The following SSUH2 variants were observed in gnomAD, a reference collection of about 807,000 sequenced individuals.
SSUH2 encodes the protein protein SSUH2 homolog.
Under a neutral mutation model 55.3 loss-of-function variants are expected in SSUH2, and 47 were observed. That is an observed-to-expected ratio of 0.85 (90% CI 0.67 to 1.08). The LOEUF is 1.08. Ranked by LOEUF, SSUH2 falls within the 50% of genes least tolerant of loss-of-function variation. The pLI, the probability that SSUH2 is intolerant of heterozygous loss-of-function variation, is 0.00. For synonymous variants in SSUH2, 212 were observed against 191.5 expected (o/e 1.11, Z -0.89); for missense variants, 535 against 490.7 (o/e 1.09, Z -0.85).
chr3:8,644,937 G>A (rs893847271), upstream of SSUH2: 22 of 644,548 alleles, frequency 3.4e-5, no homozygotes, highest in Admixed American at 1.6e-4. Flanking sequence ...CCAATCCACC[G>A]GGTTCTGGGA....
chr3:8,679,022 C>A (rs536700234), intron 2 of SSUH2, among the ~76,000 whole-genome samples: 1 of 112,658 alleles, frequency 8.9e-6, no homozygotes, highest in Non-Finnish European at 2.1e-5. Flanking sequence ...CCCCTCTTCC[C>A]CCCCTGGCTC....
chr3:8,663,986 T>C, intron 5 of SSUH2: 1 of 363,758 alleles, frequency 2.7e-6, no homozygotes, highest in Non-Finnish European at 5.5e-6. Context: ...ACAATATAGC[T>C]TCTAAGGGAA....
chr3:8,627,633 T>A, intron 8 of SSUH2, 65 bp downstream of exon 8: 1 of 1,351,402 alleles, frequency 7.4e-7, no homozygotes, highest in Non-Finnish European at 1.0e-6. Context: ...GCCTTCCAGA[T>A]GGGCAGGCAA....
chr3:8,675,760 G>C (rs367660226), intron 3 of SSUH2, among the ~76,000 whole-genome samples: 9 of 152,126 alleles, frequency 5.9e-5, no homozygotes, highest in African/African-American at 2.2e-4. Flanking sequence ...GGGAACCTTT[G>C]GAATGGGGAT....
chr3:8,669,882 TG>T (rs2125402489), intron 5 of SSUH2, among the ~76,000 whole-genome samples: 1 of 152,198 alleles, frequency 6.6e-6, no homozygotes, highest in East Asian at 1.9e-4. Context: ...ACGGGGGACA[TG>T]GGACTCAATG....
Position 8,632,068 on chromosome 3 carries a change from C to T in SSUH2, c.381G>A (p.Trp127Ter), listed in dbSNP as rs1698901960. Residue 127 changes from tryptophan (W) to a stop codon, truncating the protein, a stop_gained, in exon 5 of 12, where the codon TGG becomes TGA. Transcript: ENST00000544814. LOFTEE classifies it high-confidence loss of function. ...ETFSESRISEWTFQPFTNHSV... is the reference protein window; with the variant it reads ...ETFSESRISE ...ACTTACTAGTAAAGGGTTGAAATGT[C>T]CACTCGCTTATCCTGGATTCACTAA... 6.2e-7 allele frequency: 1 copy of T among 1,614,004 alleles called. No homozygotes were observed. The highest frequency in any genetic ancestry group is 8.5e-7 in the Non-Finnish European group (1 of 1,179,934).
intron 2 of SSUH2, among the ~76,000 whole-genome samples, chr3:8,679,386 A>T (rs1347839422): frequency 3.0e-5 from 3 of 99,794 alleles, no homozygotes; most frequent in Non-Finnish European, 6.7e-5. Context: ...ATCCCCCAGG[A>T]GGAGGGGACT....
At chr3:8,676,292 C>A (rs965905791) in intron 3 of SSUH2, among the ~76,000 whole-genome samples, 21 of 152,166 alleles carry the variant, frequency 1.4e-4, no homozygotes, top group South Asian at 1.0e-3. Flanking sequence ...AGAACAGTAT[C>A]ACAAGGGTGT....
At chr3:8,626,164 G>T in intron 9 of SSUH2, 65 bp downstream of exon 9, 2 of 1,328,104 alleles carry the variant, frequency 1.5e-6, no homozygotes, top group Non-Finnish European at 2.2e-6. Flanking sequence ...CTCTGCAGAA[G>T]CCAGTCCAGG....
chr3:8,681,451 CA>C (rs1249384660), intron 1 of SSUH2, among the ~76,000 whole-genome samples: 4 of 150,214 alleles, frequency 2.7e-5, no homozygotes, highest in South Asian at 2.1e-4. Flanking sequence ...CCTCTTCCCC[CA>C]CTGGCTCTTA....
chr3:8,658,207 G>A (rs745540723), intron 7 of SSUH2, among the ~76,000 whole-genome samples: 30 of 152,234 alleles, frequency 2.0e-4, no homozygotes, highest in Admixed American at 3.9e-4. Flanking sequence ...AGCAGTTAGC[G>A]GAGTGCCTGT....
At chr3:8,681,213 C>G (rs1026095918) in intron 1 of SSUH2, among the ~76,000 whole-genome samples, 1 of 148,514 alleles carries the variant, frequency 6.7e-6, no homozygotes, top group Admixed American at 6.7e-5. Context: ...GCCCCTCTTC[C>G]CCCCCTGGCT....
At chr3:8,657,101 G>A (rs1218037339) in intron 7 of SSUH2, among the ~76,000 whole-genome samples, 1 of 152,120 alleles carries the variant, frequency 6.6e-6, no homozygotes, top group Non-Finnish European at 1.5e-5. Flanking sequence ...AGCTGGTCTG[G>A]AACTCTTGAC....
intron 1 of SSUH2, among the ~76,000 whole-genome samples, chr3:8,681,325 G>A (rs981124895): frequency 4.0e-5 from 6 of 148,454 alleles, no homozygotes; most frequent in African/African-American, 1.5e-4. Flanking sequence ...CGCGGGGGTG[G>A]AGGCACCCCC....
rs769994180 is a variant in SSUH2 at position 8,623,665 on chromosome 3, AAGAG to A, written c.874-13_874-10del. 4 of 1,454,992 alleles carry A rather than the reference AAGAG, an allele frequency of 2.7e-6. No individual in the cohort carries two copies. The highest frequency in any genetic ancestry group is 3.7e-6 in the Non-Finnish European group (4 of 1,069,188). 90.1% of individuals were successfully genotyped at this position (1,454,992 alleles called of 1,614,324 possible). On this transcript the variant is annotated splice_polypyrimidine_tract_variant and intron_variant, in intron 10 of 11. Coordinates refer to ENST00000544814, the MANE Select transcript of SSUH2 (RefSeq NM_001256748.3). ...TCCACGATGGGGTACACCTGGGGGA[AAGAG>A]AGAGAGACACAGACCACCTGGCTGC... is the stretch of plus-strand genomic sequence containing the variant.
intron 3 of SSUH2, among the ~76,000 whole-genome samples, chr3:8,676,860 C>A (rs555706563): frequency 1.0e-4 from 15 of 148,236 alleles, no homozygotes; most frequent in African/African-American, 3.0e-4. Context: ...GGACCCCCAT[C>A]GCAGGGGAGG....
In SSUH2 at chr3:8,633,759, G is replaced by A. The variant is rs923222814; in HGVS notation, c.246C>T (p.Ala82=). Residue 82 remains alanine, a synonymous_variant, in exon 4 of 12, where the codon GCC becomes GCT. Transcript: ENST00000544814. The part of the protein sequence containing the change: ...PAMTEEVARE[A]LLSFVDSKCC... ...ACTTAGAGTCCACAAAGCTGAGGAG[G>A]GCTTCCCGGGCCACCTCCTCCGTCA... is the stretch of plus-strand genomic sequence containing the variant. 6 of 1,610,868 alleles carry A rather than the reference G, an allele frequency of 3.7e-6. No individual in the cohort carries two copies. Among genetic ancestry groups the A allele is most frequent in the Non-Finnish European group, 5.1e-6 (6 of 1,178,234 alleles).
chr3:8,620,852 G>A (rs963666990), intron 11 of SSUH2, among the ~76,000 whole-genome samples: 3 of 152,324 alleles, frequency 2.0e-5, no homozygotes, highest in Admixed American at 6.5e-5. Context: ...CATTGACCCC[G>A]AAGACATTTG....
chr3:8,635,435 T>A, intron 2 of SSUH2, 54 bp from the exon 3 acceptor site: 2 of 1,284,744 alleles, frequency 1.6e-6, no homozygotes, highest in South Asian at 2.6e-5. Flanking sequence ...GAACAAATAT[T>A]TGTGTGGTGG....
Sources: gnomAD v4.1 joint callset for allele counts (sites outside exome capture counted in the v4.1 genomes callset) on GRCh38, gnomAD v4.1.1 for gene constraint, MANE v1.5 for transcripts, NCBI Gene and HGNC (gene_info 2026-07-23, HGNC 2026-07-21) for gene names.